The following ACSS2 variants were observed in gnomAD, a reference collection of about 807,000 sequenced individuals.
The protein encoded by ACSS2 is acetyl-coenzyme A synthetase, cytoplasmic.
Under a neutral mutation model 90.6 loss-of-function variants are expected in ACSS2, and 58 were observed. That is an observed-to-expected ratio of 0.64 (90% CI 0.52 to 0.80). The LOEUF (loss-of-function observed/expected upper bound fraction) is 0.80, where lower values mean the gene tolerates loss of function less well. Among genes scored for constraint, ACSS2 ranks in the 30% least tolerant of loss-of-function variants. ACSS2 has a pLI of 0.00. For synonymous variants in ACSS2, 300 were observed against 330.9 expected (o/e 0.91, Z 1.01); for missense variants, 759 against 912.0 (o/e 0.83, Z 2.16).
At chr20:34,920,939 G>A in intron 9 of ACSS2, 67 bp from the exon 10 acceptor site, 4 of 1,601,820 alleles carry the variant, frequency 2.5e-6, no homozygotes, top group East Asian at 2.2e-5. Flanking sequence ...GAACCTGAGG[G>A]AATGGTAGGG....
chr20:34,877,107 G>T (rs1332186801), intron 1 of ACSS2, among the ~76,000 whole-genome samples: 1 of 152,172 alleles, frequency 6.6e-6, no homozygotes. Context: ...GGTTCCTTGA[G>T]ATTGGGACGG....
At chr20:34,909,407 C>A (rs1018619081) in intron 2 of ACSS2, among the ~76,000 whole-genome samples, 2 of 151,944 alleles carry the variant, frequency 1.3e-5, no homozygotes, top group African/African-American at 4.8e-5. Flanking sequence ...AGAAATAGTT[C>A]TTTAAGTCTT....
At chr20:34,875,087 G>A (rs568465578), upstream of ACSS2, 52 of 534,778 alleles carry the variant, frequency 9.7e-5, no homozygotes, top group East Asian at 2.8e-3. Context: ...TGCCTTGACA[G>A]CCAGTCTGTG....
chr20:34,904,428 A>C (rs1393910127), intron 2 of ACSS2, among the ~76,000 whole-genome samples: 1 of 152,096 alleles, frequency 6.6e-6, no homozygotes, highest in Non-Finnish European at 1.5e-5. Flanking sequence ...GCTGGAGCAG[A>C]GGGAAAGGGA....
intron 2 of ACSS2, among the ~76,000 whole-genome samples, chr20:34,910,971 C>T (rs2080940775): frequency 6.6e-6 from 1 of 152,056 alleles, no homozygotes; most frequent in Non-Finnish European, 1.5e-5. Flanking sequence ...TACAGGTGTG[C>T]ACCACCATGC....
At chr20:34,919,156 AGGATGGGAAG>A (rs1418957627) in intron 7 of ACSS2, among the ~76,000 whole-genome samples, 4 of 152,146 alleles carry the variant, frequency 2.6e-5, no homozygotes, top group Non-Finnish European at 5.9e-5. Context: ...TCAGAATTGA[AGGATGGGAAG>A]GGACCAGCCA....
intron 8 of ACSS2, among the ~76,000 whole-genome samples, chr20:34,919,818 T>A (rs1196530253): frequency 6.6e-6 from 1 of 152,060 alleles, no homozygotes; most frequent in African/African-American, 2.4e-5. Flanking sequence ...GGATGTTCTT[T>A]CCCTATGCAC....
At position 34,927,191 on chromosome 20, in the gene ACSS2, C is replaced by T. The variant is rs776073180; in HGVS notation, c.2083C>T (p.His695Tyr). ...DPSVISHLFS[H>Y]RCLTIQ is the part of the protein sequence containing the mutation. The stretch of plus-strand genomic sequence containing the variant: ...ATCTGTCATCAGTCACCTCTTCAGC[C>T]ACCGCTGCCTGACCATCCAGTGAAC... Residue 695 changes from histidine to tyrosine, a missense_variant, in exon 18 of 18, where the codon CAC (histidine) becomes TAC (tyrosine). By Grantham distance (83) the His-to-Tyr change is moderately conservative (BLOSUM62 2). Transcript: ENST00000360596. This position sits in a 1 kb window ranked among gnomAD's most constrained non-coding sequence, Gnocchi z 4.2. 6.8e-6 allele frequency: 11 copies of T among 1,613,918 alleles called. No homozygotes were observed. The highest frequency in any genetic ancestry group is 9.3e-6 in the Non-Finnish European group (11 of 1,180,046).
In ACSS2 at chr20:34,888,252, C is replaced by G. The variant is rs1312145534; in HGVS notation, c.374+5263C>G. On this transcript the variant is annotated intron_variant, in intron 2 of 17. Transcript: ENST00000360596. Reference sequence around the variant, plus strand: ...GAGTCCTATTTTTGCCACTAATTAGCTGTCTGATCTTGGGCAAGTTACTTA... The same window carrying G: ...GAGTCCTATTTTTGCCACTAATTAGGTGTCTGATCTTGGGCAAGTTACTTA... Among the ~76,000 whole-genome samples, 2 of 152,038 alleles carry G rather than the reference C, an allele frequency of 1.3e-5. 1 individual carries two copies.
At chr20:34,883,407 T>A (rs1020876796) in intron 2 of ACSS2, among the ~76,000 whole-genome samples, 4 of 152,252 alleles carry the variant, frequency 2.6e-5, no homozygotes, top group African/African-American at 9.6e-5. Flanking sequence ...TCTCCTTTGA[T>A]GCTTATAATA....
At position 34,921,830 on chromosome 20, in the gene ACSS2, CG is replaced by C; in HGVS notation, c.1516del (p.Glu506LysfsTer74). ...GVAPAILNES[G>X]EELEGEAEGY... The stretch of plus-strand genomic sequence containing the variant: ...TAGCTCCTGCAATCCTGAATGAGTC[CG>C]GGGAAGAGTTGGAAGGTGAAGCTGA... On this transcript the variant is annotated frameshift_variant, in exon 13 of 18. Transcript: ENST00000360596. LOFTEE classifies it high-confidence loss of function. The C allele has an allele frequency of 1.2e-6, 2 of 1,614,010 alleles. No homozygotes were observed. Among genetic ancestry groups the C allele is most frequent in the Non-Finnish European group, 1.7e-6 (2 of 1,179,948 alleles).
chr20:34,922,114 G>A, intron 13 of ACSS2: 2 of 815,616 alleles, frequency 2.5e-6, no homozygotes, highest in Non-Finnish European at 3.3e-6. Flanking sequence ...GTACCTTTTT[G>A]GGTCTGGAAG....
Position 34,905,127 on chromosome 20 carries a change from A to G in ACSS2, c.375-7969A>G, listed in dbSNP as rs528810266. ...GAGACAAGTTCTCACCATGTTGCCC[A>G]GGCCAGTCTTGAACTCCTGTCCTCA... On this transcript the variant is annotated intron_variant, in intron 2 of 17. Transcript: ENST00000360596. Among the ~76,000 whole-genome samples the G allele has an allele frequency of 2.6e-5, 4 of 152,172 alleles. No individual in the cohort carries two copies. The South Asian group carries it at 8.3e-4, about 32-fold the overall frequency.
chr20:34,891,123 C>T (rs2080325365), intron 2 of ACSS2, among the ~76,000 whole-genome samples: 1 of 152,198 alleles, frequency 6.6e-6, no homozygotes, highest in African/African-American at 2.4e-5. Context: ...GCCTCACCTT[C>T]TCAACCATCC....
At chr20:34,920,795 A>G (rs773438130) in intron 9 of ACSS2, 86 bp downstream of exon 9, 48 of 1,500,878 alleles carry the variant, frequency 3.2e-5, no homozygotes, top group Non-Finnish European at 4.3e-5. Flanking sequence ...GTCTAGAGGG[A>G]GGGGGACTTA....
intron 2 of ACSS2, among the ~76,000 whole-genome samples, chr20:34,899,423 T>TTTCTTTCCTTCCTTCC (rs1491564858): frequency 5.8e-4 from 66 of 113,074 alleles, no homozygotes; most frequent in Middle Eastern, 8.3e-3. Flanking sequence ...TCTTTCTTTC[T>TTTCTTTCCTTCCTTCC]TTCCTTCCTT....
At chr20:34,908,927 T>C (rs1032658547) in intron 2 of ACSS2, 72 of 446,504 alleles carry the variant, frequency 1.6e-4, no homozygotes, top group Non-Finnish European at 3.1e-4. Context: ...TAATTCATCC[T>C]ACAGATATAC....
At chr20:34,899,423 T>TTTCTTTCTTTCCTTCCTTCCTTCC (rs1491564858) in intron 2 of ACSS2, among the ~76,000 whole-genome samples, 1 of 113,024 alleles carries the variant, frequency 8.8e-6, no homozygotes, top group East Asian at 2.9e-4. Flanking sequence ...TCTTTCTTTC[T>TTTCTTTCTTTCCTTCCTTCCTTCC]TTCCTTCCTT....
At chr20:34,926,345 T>C in intron 16 of ACSS2, 64 bp downstream of exon 16, 2 of 1,559,886 alleles carry the variant, frequency 1.3e-6, no homozygotes, top group Non-Finnish European at 1.7e-6. Context: ...TCACTGCAAG[T>C]TGTTGGGGAG....
Sources: gnomAD v4.1 joint callset for allele counts (sites outside exome capture counted in the v4.1 genomes callset) on GRCh38, gnomAD v4.1.1 for gene constraint, Gnocchi (gnomAD v3.1) non-coding constraint, MANE v1.5 for transcripts, NCBI Gene and HGNC (gene_info 2026-07-23, HGNC 2026-07-21) for gene names.